ARHGEF12: variants seen among roughly 807,000 people sequenced by gnomAD.
The protein encoded by ARHGEF12 is Rho guanine nucleotide exchange factor 12.
ARHGEF12 carries 66 observed loss-of-function variants against 211.2 expected under a neutral mutation model. The ratio of observed to expected loss-of-function variants is 0.31; its 90% CI spans 0.26 to 0.38. The LOEUF is 0.38. Ranked by LOEUF, ARHGEF12 falls within the 10% of genes least tolerant of loss-of-function variation. The pLI, the probability that ARHGEF12 is intolerant of heterozygous loss-of-function variation, is 1.00. For synonymous variants in ARHGEF12, 592 were observed against 638.4 expected (o/e 0.93, Z 1.09); for missense variants, 1,429 against 1,869.5 (o/e 0.76, Z 4.34).
intron 1 of ARHGEF12, among the ~76,000 whole-genome samples, chr11:120,395,588 A>C (rs889101924): frequency 6.6e-6 from 1 of 152,188 alleles, no homozygotes; most frequent in Non-Finnish European, 1.5e-5. Flanking sequence ...TAATTGACTC[A>C]CAGTTCCACA....
intron 15 of ARHGEF12, among the ~76,000 whole-genome samples, chr11:120,444,978 G>A (rs1946001055): frequency 4.6e-5 from 7 of 152,160 alleles, no homozygotes; most frequent in Admixed American, 3.3e-4. Context: ...AATATTATTG[G>A]TCTTCAGAAT....
chr11:120,347,172 C>T (rs57480438), intron 1 of ARHGEF12, among the ~76,000 whole-genome samples: 21 of 80,584 alleles, frequency 2.6e-4, no homozygotes, highest in African/African-American at 4.5e-4. Context: ...TCCTTCCTTC[C>T]TTCCTTCCTT....
intron 1 of ARHGEF12, among the ~76,000 whole-genome samples, chr11:120,391,165 C>G (rs1485967261): frequency 1.3e-5 from 2 of 152,138 alleles, no homozygotes; most frequent in Non-Finnish European, 2.9e-5. Flanking sequence ...GGGAAGCTAA[C>G]CCCAGGAAAT....
At chr11:120,433,469 A>G (rs1377063534) in intron 11 of ARHGEF12, among the ~76,000 whole-genome samples, 1 of 152,134 alleles carries the variant, frequency 6.6e-6, no homozygotes, top group African/African-American at 2.4e-5. Context: ...CGCTGTTTTC[A>G]TGGCTTGTCC....
intron 27 of ARHGEF12, chr11:120,463,949 G>A (rs1286054825): frequency 6.6e-6 from 1 of 152,126 alleles, no homozygotes; most frequent in South Asian, 2.1e-4. Flanking sequence ...TGACTTCTAC[G>A]AGCACCTACT....
chr11:120,485,260 G>A lies in ARHGEF12; in HGVS notation c.*183G>A. 1 of 601,862 alleles carries A rather than the reference G, an allele frequency of 1.7e-6. No individual in the cohort carries two copies. The allele number at this position is 601,862 out of a possible 1,614,324, so 37.3% of individuals were successfully genotyped here. A position where few individuals can be genotyped will look rare whatever the true frequency, so the allele number is the denominator to read the frequency against. ...ACTAGTTCTTCACAGTGTGGCAGCT[G>A]CACTAATCTGTTTGTGAGGGAATAT... is the stretch of plus-strand genomic sequence containing the variant. On this transcript the variant is annotated 3_prime_UTR_variant, in exon 41 of 41. Coordinates refer to ENST00000397843, the MANE Select transcript of ARHGEF12 (RefSeq NM_015313.3).
rs1367418635 is a variant in ARHGEF12, at chr11:120,486,722, TC to T, written c.*1646del. Reference sequence around the variant, plus strand: ...TCCCTGCAGTCCAAAGATGATTTTTTCACCACAAATGGTAAGGGATGCCCAC... The same window carrying T: ...TCCCTGCAGTCCAAAGATGATTTTTTACCACAAATGGTAAGGGATGCCCAC... On this transcript the variant is annotated 3_prime_UTR_variant, in exon 41 of 41. Transcript: ENST00000397843. 4.6e-6 allele frequency: 1 copy of T among 218,922 alleles called. No homozygotes were observed. Among genetic ancestry groups the T allele is most frequent in the African/African-American group, 2.3e-5 (1 of 44,344 alleles). 13.6% of individuals were successfully genotyped at this position (218,922 alleles called of 1,614,324 possible).
chr11:120,339,559 T>G (rs1384627695), intron 1 of ARHGEF12, among the ~76,000 whole-genome samples: 1 of 152,230 alleles, frequency 6.6e-6, no homozygotes, highest in Non-Finnish European at 1.5e-5. Flanking sequence ...AAGTTTGAAG[T>G]GCTGTATGTG....
At chr11:120,346,689 C>A (rs958291485) in intron 1 of ARHGEF12, among the ~76,000 whole-genome samples, 26 of 152,260 alleles carry the variant, frequency 1.7e-4, no homozygotes, top group African/African-American at 6.3e-4. Flanking sequence ...TATTTGGAGT[C>A]TATGAAAGTT....
intron 1 of ARHGEF12, among the ~76,000 whole-genome samples, chr11:120,347,155 C>T (rs375241998): frequency 0.33 from 22,381 of 68,632 alleles, 3,078 homozygotes; most frequent in African/African-American, 0.43. Context: ...TTCCTTCCTT[C>T]CTTCCTTCCT....
intron 1 of ARHGEF12, among the ~76,000 whole-genome samples, chr11:120,342,808 T>C (rs1272063232): frequency 6.6e-6 from 1 of 152,218 alleles, no homozygotes; most frequent in Non-Finnish European, 1.5e-5. Flanking sequence ...GTACCCTCAA[T>C]GTAACAAATG....
intron 4 of ARHGEF12, among the ~76,000 whole-genome samples, chr11:120,414,367 C>T (rs1308315081): frequency 6.6e-6 from 1 of 152,082 alleles, no homozygotes. Context: ...AGAAATGTTC[C>T]TCTACTTTGC....
intron 29 of ARHGEF12, among the ~76,000 whole-genome samples, chr11:120,468,911 A>G (rs761879768): frequency 5.3e-5 from 8 of 152,246 alleles, no homozygotes; most frequent in Non-Finnish European, 8.8e-5. Context: ...TATGTAGGCT[A>G]TGCACTGTGA....
chr11:120,365,646 G>C (rs1250647515), intron 1 of ARHGEF12: 1 of 151,928 alleles, frequency 6.6e-6, no homozygotes, highest in African/African-American at 2.4e-5. Context: ...AATTTGTTAG[G>C]GTTAACAAGA....
chr11:120,361,398 G>A (rs1465567856), intron 1 of ARHGEF12, among the ~76,000 whole-genome samples: 2 of 152,170 alleles, frequency 1.3e-5, no homozygotes, highest in Non-Finnish European at 2.9e-5. Context: ...TACTGAAACC[G>A]TACGTACACT....
intron 1 of ARHGEF12, among the ~76,000 whole-genome samples, chr11:120,356,769 C>T (rs558049242): frequency 6.6e-6 from 1 of 152,222 alleles, no homozygotes; most frequent in Admixed American, 6.5e-5. Context: ...TGGACCTTTC[C>T]CACCCTTTAT....
chr11:120,487,133 CTT>C lies in ARHGEF12; in HGVS notation c.*2058_*2059del, dbSNP rs6483. 0.22 allele frequency: 47,448 copies of C among 217,372 alleles called. 6,067 individuals carry two copies. Among genetic ancestry groups the C allele is most frequent in the African/African-American group, 0.38 (16,766 of 44,370 alleles). The allele number at this position is 217,372 out of a possible 1,614,324, so 13.5% of individuals were successfully genotyped here. A position where few individuals can be genotyped will look rare whatever the true frequency, so the allele number is the denominator to read the frequency against. On this transcript the variant is annotated 3_prime_UTR_variant, in exon 41 of 41. Transcript: ENST00000397843. ...ATCAGGAGAAAAGTAAATATAAAAA[CTT>C]TGCTCTTAACGTCACACACTACAGG...
At chr11:120,458,262 T>G (rs1168702279) in intron 25 of ARHGEF12, 28 bp downstream of exon 25, 1 of 1,611,290 alleles carries the variant, frequency 6.2e-7, no homozygotes, top group East Asian at 2.2e-5. Flanking sequence ...GTTGTTGTTG[T>G]TTACAAATAC....
At chr11:120,445,328 A>G (rs888800011) in intron 15 of ARHGEF12, 94 bp from the exon 16 acceptor site, 20 of 1,208,398 alleles carry the variant, frequency 1.7e-5, no homozygotes, top group East Asian at 2.3e-5. Context: ...TAGAGTGGGT[A>G]TCCAAGTTGT....
Sources: gnomAD v4.1 joint callset for allele counts (sites outside exome capture counted in the v4.1 genomes callset) on GRCh38, gnomAD v4.1.1 for gene constraint, MANE v1.5 for transcripts, NCBI Gene and HGNC (gene_info 2026-07-23, HGNC 2026-07-21) for gene names.